HS6ST3: variants seen among roughly 807,000 people sequenced by gnomAD.
HS6ST3 encodes heparan-sulfate 6-O-sulfotransferase 3.
HS6ST3 carries 12 observed loss-of-function variants against 36.7 expected under a neutral mutation model. The observed-to-expected ratio is 0.33, with a 90% CI of 0.21 to 0.53. HS6ST3 has a LOEUF of 0.53. HS6ST3 is among the 20% of genes least tolerant of loss of function. The pLI, the probability that HS6ST3 is intolerant of heterozygous loss-of-function variation, is 0.95. For missense variants in HS6ST3, 584 were observed against 640.9 expected (o/e 0.91, Z 0.96); for synonymous variants, 240 against 257.5 (o/e 0.93, Z 0.65).
intron 1 of HS6ST3, among the ~76,000 whole-genome samples, chr13:96,555,409 A>C (rs1351855343): frequency 2.6e-5 from 4 of 152,222 alleles, no homozygotes; most frequent in Admixed American, 6.5e-5. Context: ...GGCTTGGTGC[A>C]TATTTTCAAG....
chr13:96,754,911 T>A (rs1876786479), intron 1 of HS6ST3, among the ~76,000 whole-genome samples: 1 of 152,128 alleles, frequency 6.6e-6, no homozygotes, highest in South Asian at 2.1e-4. Context: ...TATATAATAA[T>A]AACAGGCAAT....
intron 1 of HS6ST3, among the ~76,000 whole-genome samples, chr13:96,725,478 T>C (rs942756361): frequency 2.0e-5 from 3 of 152,224 alleles, no homozygotes; most frequent in African/African-American, 7.2e-5. Context: ...CCTGTGCTTT[T>C]TTTCTACGTT....
At chr13:96,375,512 T>G (rs1336838980) in intron 1 of HS6ST3, among the ~76,000 whole-genome samples, 1 of 152,212 alleles carries the variant, frequency 6.6e-6, no homozygotes, top group Non-Finnish European at 1.5e-5. Context: ...ATTGAATTGC[T>G]CTTCTATAAA....
chr13:96,367,269 C>T (rs1031068575), intron 1 of HS6ST3, among the ~76,000 whole-genome samples: 14 of 151,882 alleles, frequency 9.2e-5, no homozygotes, highest in African/African-American at 3.1e-4. Flanking sequence ...TTTAAGTAAC[C>T]CTGAAATTAT....
At chr13:96,409,672 G>A (rs1453079769) in intron 1 of HS6ST3, among the ~76,000 whole-genome samples, 4 of 152,152 alleles carry the variant, frequency 2.6e-5, no homozygotes, top group South Asian at 2.1e-4. Context: ...CATATGCTAT[G>A]ATAAGCATCT....
chr13:96,593,174 C>CT (rs35380296), intron 1 of HS6ST3, among the ~76,000 whole-genome samples: 22,493 of 45,650 alleles, frequency 0.49, 9,615 homozygotes, highest in Non-Finnish European at 0.58. Context: ...TTCTTTCTTT[C>CT]TTTTTTTTTT....
intron 1 of HS6ST3, among the ~76,000 whole-genome samples, chr13:96,330,316 G>T (rs188913406): frequency 6.6e-6 from 1 of 151,970 alleles, no homozygotes; most frequent in East Asian, 1.9e-4. Context: ...TGCAGCGGCC[G>T]GTACCGGTTG....
chr13:96,359,248 A>T (rs1451347510), intron 1 of HS6ST3, among the ~76,000 whole-genome samples: 2 of 152,178 alleles, frequency 1.3e-5, no homozygotes, highest in African/African-American at 4.8e-5. Context: ...TACTTACAGC[A>T]GCCTCAGCTA....
chr13:96,673,110 G>A (rs983937053), intron 1 of HS6ST3, among the ~76,000 whole-genome samples: 2 of 152,082 alleles, frequency 1.3e-5, no homozygotes, highest in Non-Finnish European at 2.9e-5. Context: ...TCCTACGCTG[G>A]TGGCCATATC....
intron 1 of HS6ST3, among the ~76,000 whole-genome samples, chr13:96,721,370 T>C (rs1157210405): frequency 2.0e-5 from 3 of 152,214 alleles, no homozygotes; most frequent in African/African-American, 7.2e-5. Flanking sequence ...GAGATTTTTC[T>C]ATGACCAAAT....
At chr13:96,765,739 C>T (rs1348723761) in intron 1 of HS6ST3, among the ~76,000 whole-genome samples, 1 of 151,924 alleles carries the variant, frequency 6.6e-6, no homozygotes, top group Non-Finnish European at 1.5e-5. Context: ...TCAACAAAAG[C>T]TTTGTGTACT....
chr13:96,560,188 T>C (rs1266455570), intron 1 of HS6ST3, among the ~76,000 whole-genome samples: 1 of 152,186 alleles, frequency 6.6e-6, no homozygotes, highest in Non-Finnish European at 1.5e-5. Flanking sequence ...AATGTGCTTG[T>C]TTGGGTTCAA....
intron 1 of HS6ST3, among the ~76,000 whole-genome samples, chr13:96,539,429 C>T (rs1016497277): frequency 6.6e-6 from 1 of 152,016 alleles, no homozygotes; most frequent in Non-Finnish European, 1.5e-5. Flanking sequence ...GATCTCCACT[C>T]ACTGCAACCT....
At chr13:96,142,734 G>T (rs1186763838) in intron 1 of HS6ST3, among the ~76,000 whole-genome samples, 1 of 152,016 alleles carries the variant, frequency 6.6e-6, no homozygotes, top group Non-Finnish European at 1.5e-5. Flanking sequence ...AGAAACAATG[G>T]TGTATCATGA....
At chr13:96,248,717 G>A (rs1412402986) in intron 1 of HS6ST3, among the ~76,000 whole-genome samples, 1 of 152,088 alleles carries the variant, frequency 6.6e-6, no homozygotes, top group African/African-American at 2.4e-5. Context: ...GATGAGTTGG[G>A]AACATATTAA....
intron 1 of HS6ST3, among the ~76,000 whole-genome samples, chr13:96,134,078 A>G (rs1345425015): frequency 6.6e-6 from 1 of 152,008 alleles, no homozygotes; most frequent in Non-Finnish European, 1.5e-5. Context: ...CTTTGTTGAA[A>G]TCCAGTTGAC....
intron 1 of HS6ST3, among the ~76,000 whole-genome samples, chr13:96,425,822 A>G (rs1191917023): frequency 6.6e-6 from 1 of 152,026 alleles, no homozygotes; most frequent in Middle Eastern, 3.2e-3. Flanking sequence ...ACATATCACA[A>G]ATGGTGGCTT....
chr13:96,799,998 G>GTA (rs374525350), intron 1 of HS6ST3, among the ~76,000 whole-genome samples: 3,447 of 75,184 alleles, frequency 0.046, 264 homozygotes, highest in East Asian at 0.18. Flanking sequence ...ATATATATAT[G>GTA]TATATATATA....
rs1004022961 is a variant in HS6ST3 at position 96,835,795 on chromosome 13, G to A, written c.*2597G>A. ...TCACGCTGTTCCTTAGGCACCTCGGGATTGGTATCAAAGGCTTCCACTGCC... is the reference window on the plus strand; with the variant it reads ...TCACGCTGTTCCTTAGGCACCTCGGAATTGGTATCAAAGGCTTCCACTGCC... On this transcript the variant is annotated 3_prime_UTR_variant, in exon 2 of 2. Coordinates refer to ENST00000376705, the MANE Select transcript of HS6ST3 (RefSeq NM_153456.4). 1.3e-5 allele frequency: 2 copies of A among 152,210 alleles called. No individual in the cohort carries two copies. The highest frequency in any genetic ancestry group is 6.5e-5 in the Admixed American group (1 of 15,278). The allele number at this position is 152,210 out of a possible 1,614,324, so 9.4% of individuals were successfully genotyped here. A position where few individuals can be genotyped will look rare whatever the true frequency, so the allele number is the denominator to read the frequency against.
Sources: allele counts gnomAD v4.1 joint callset (sites outside exome capture counted in the v4.1 genomes callset), GRCh38; gene constraint gnomAD v4.1.1; transcripts MANE v1.5; gene names NCBI Gene and HGNC (gene_info 2026-07-23, HGNC 2026-07-21).